PCNX2: variants seen among roughly 807,000 people sequenced by gnomAD.
PCNX2 encodes pecanex-like protein 2.
Under a neutral mutation model 223.8 loss-of-function variants are expected in PCNX2, and 168 were observed. That is an observed-to-expected ratio of 0.75 (90% CI 0.66 to 0.85). The LOEUF (loss-of-function observed/expected upper bound fraction) is 0.85. Among genes scored for constraint, PCNX2 ranks in the 40% least tolerant of loss-of-function variants. The pLI is 0.00. For missense variants in PCNX2, 2,507 were observed against 2,675.5 expected (o/e 0.94, Z 1.39); for synonymous variants, 1,006 against 1,052.6 (o/e 0.96, Z 0.86).
At chr1:233,318,211 A>C in the PCNX2 span, among the ~76,000 whole-genome samples, 1 of 152,222 alleles carries the variant, frequency 6.6e-6, no homozygotes, top group Non-Finnish European at 1.5e-5. Flanking sequence ...AGAAATGGAA[A>C]GGTTTGGGGA....
At chr1:233,183,109 C>T (rs991516367) in intron 15 of PCNX2, among the ~76,000 whole-genome samples, 2 of 152,090 alleles carry the variant, frequency 1.3e-5, no homozygotes, top group Admixed American at 6.5e-5. Flanking sequence ...CTTGTTAGCT[C>T]GAACTCAAAG....
In PCNX2 at chr1:233,047,019, G is replaced by GCTGTGAAGATGCCTAGTCTGGC. The variant is rs1290664858; in HGVS notation, c.4351+7227_4351+7248dup. Among the ~76,000 whole-genome samples, 5 of 152,282 alleles carry GCTGTGAAGATGCCTAGTCTGGC rather than the reference G, an allele frequency of 3.3e-5. No individual in the cohort carries two copies. In the East Asian group the frequency reaches 9.7e-4, roughly 29 times the overall value. The stretch of plus-strand genomic sequence containing the variant: ...CCTTTTCAAACCCGAACACCACCTG[G>GCTGTGAAGATGCCTAGTCTGGC]CTGTGAAGATGCCTAGTCTGGCCTC... On this transcript the variant is annotated intron_variant, in intron 25 of 33. Transcript: ENST00000258229.
chr1:233,111,353 T>C (rs1675105008), intron 21 of PCNX2, among the ~76,000 whole-genome samples: 1 of 152,220 alleles, frequency 6.6e-6, no homozygotes, highest in Non-Finnish European at 1.5e-5. Context: ...TAAGTACTCA[T>C]AAATACAGGT....
intron 23 of PCNX2, among the ~76,000 whole-genome samples, chr1:233,086,414 T>C (rs1480976446): frequency 6.6e-6 from 1 of 152,102 alleles, no homozygotes; most frequent in Non-Finnish European, 1.5e-5. Context: ...TCCCAGCACT[T>C]TGGGAGGCCA....
intron 15 of PCNX2, among the ~76,000 whole-genome samples, chr1:233,193,481 T>G (rs1238276027): frequency 6.6e-6 from 1 of 152,194 alleles, no homozygotes; most frequent in Admixed American, 6.5e-5. Context: ...AACTTCAGAC[T>G]GTAGGAAAGA....
At chr1:233,057,094 T>C in intron 24 of PCNX2, 138 bp downstream of exon 24, 1 of 786,934 alleles carries the variant, frequency 1.3e-6, no homozygotes, top group East Asian at 2.8e-5. Flanking sequence ...ACCTGCACAG[T>C]TTTATTCCAC....
chr1:233,011,877 G>A (rs188996175), intron 28 of PCNX2, among the ~76,000 whole-genome samples: 2 of 152,218 alleles, frequency 1.3e-5, no homozygotes, highest in Non-Finnish European at 2.9e-5. Flanking sequence ...TGTTTCCCTG[G>A]ATTCTGTGAA....
rs1036186526 is a variant in PCNX2, at chr1:233,004,261, C to T, written c.4953-2580G>A. On this transcript the variant is annotated intron_variant, in intron 28 of 33. Transcript: ENST00000258229. ...AAAAGAGGGATCTTTCAAGATTATC[C>T]GGGTGTTCAGGTTCCTAGGTTTTTC... Among the ~76,000 whole-genome samples the T allele has an allele frequency of 5.9e-5, 9 of 151,962 alleles. No individual in the cohort carries two copies. The East Asian group carries it at 9.6e-4, about 16-fold the overall frequency.
chr1:233,261,118 A>G (rs929266167), intron 4 of PCNX2, among the ~76,000 whole-genome samples, 167 bp downstream of exon 4: 3 of 152,242 alleles, frequency 2.0e-5, no homozygotes, highest in African/African-American at 7.2e-5. Flanking sequence ...AATACCGATG[A>G]GAAAAAATTA....
intron 5 of PCNX2, among the ~76,000 whole-genome samples, chr1:233,254,629 C>T (rs1659627347): frequency 6.6e-6 from 1 of 151,262 alleles, no homozygotes; most frequent in Non-Finnish European, 1.5e-5. Flanking sequence ...ACTCTTAATC[C>T]TGCCATCATG....
intron 17 of PCNX2, among the ~76,000 whole-genome samples, chr1:233,173,897 T>C (rs12078232): frequency 0.065 from 9,794 of 151,828 alleles, 920 homozygotes; most frequent in African/African-American, 0.21. Flanking sequence ...TTTTCTCTGG[T>C]TGTATTTATG....
chr1:233,219,307 G>C (rs1657223776), intron 10 of PCNX2, among the ~76,000 whole-genome samples: 1 of 148,462 alleles, frequency 6.7e-6, no homozygotes, highest in Non-Finnish European at 1.5e-5. Flanking sequence ...ATCTGAGGAA[G>C]TTAGAGAGAG....
intron 26 of PCNX2, among the ~76,000 whole-genome samples, chr1:233,017,407 TC>T (rs1277135381): frequency 7.3e-6 from 1 of 137,838 alleles, no homozygotes. Context: ...AAGCTCCGCC[TC>T]CCAGGTTCAC....
At chr1:233,239,333 T>C (rs1238351021) in intron 8 of PCNX2, among the ~76,000 whole-genome samples, 1 of 151,296 alleles carries the variant, frequency 6.6e-6, no homozygotes, top group Non-Finnish European at 1.5e-5. Context: ...CCTACTAAGG[T>C]GTCCTGCTAG....
At chr1:233,147,113 T>G (rs1474882380) in intron 19 of PCNX2, among the ~76,000 whole-genome samples, 2 of 151,912 alleles carry the variant, frequency 1.3e-5, no homozygotes, top group Admixed American at 1.3e-4. Context: ...ACCTGGGGGG[T>G]GTGTGTGTGA....
chr1:233,132,309 T>C lies in PCNX2; in HGVS notation c.3837+2704A>G, dbSNP rs1330591820. 2.6e-5 allele frequency among the ~76,000 whole-genome samples: 4 copies of C among 152,190 alleles called. No individual in the cohort carries two copies. The East Asian group carries it at 7.7e-4, about 29-fold the overall frequency. On this transcript the variant is annotated intron_variant, in intron 21 of 33. Transcript: ENST00000258229. ...TCCATCCTCCCCATTCTACACAGGA[T>C]GTCGCTGAGTGTCTGCACCGACTAG...
chr1:233,251,033 A>T (rs1206563825), intron 7 of PCNX2, among the ~76,000 whole-genome samples: 2 of 152,208 alleles, frequency 1.3e-5, no homozygotes, highest in East Asian at 1.9e-4. Flanking sequence ...AACTTTACTA[A>T]GAAAATTTTC....
intron 26 of PCNX2, among the ~76,000 whole-genome samples, chr1:233,022,241 C>G (rs1462854306): frequency 6.6e-6 from 1 of 152,184 alleles, no homozygotes; most frequent in Admixed American, 6.5e-5. Context: ...GGCCCAGACT[C>G]CAAATCCATG....
At chr1:233,283,021 TA>T (rs34117932) in intron 1 of PCNX2, among the ~76,000 whole-genome samples, 40 of 149,156 alleles carry the variant, frequency 2.7e-4, no homozygotes, top group Non-Finnish European at 4.0e-4. Flanking sequence ...ATGCGTATTC[TA>T]AAAAAAAAAA....
Sources: allele counts gnomAD v4.1 joint callset (sites outside exome capture counted in the v4.1 genomes callset), GRCh38; gene constraint gnomAD v4.1.1; transcripts MANE v1.5; gene names NCBI Gene and HGNC (gene_info 2026-07-23, HGNC 2026-07-21).